The following SNRNP200 variants were observed in gnomAD, a reference collection of about 807,000 sequenced individuals.
SNRNP200 encodes U5 small nuclear ribonucleoprotein 200 kDa helicase.
In SNRNP200, 66 loss-of-function variants were observed where a neutral mutation model predicts 255.2. That is an observed-to-expected ratio of 0.26 (90% CI 0.21 to 0.32). The LOEUF (loss-of-function observed/expected upper bound fraction) is 0.32. Among genes scored for constraint, SNRNP200 ranks in the 10% least tolerant of loss-of-function variants. SNRNP200 has a pLI of 1.00. For missense variants in SNRNP200, 1,585 were observed against 2,749.8 expected, an observed-to-expected ratio of 0.58 and a Z score of 9.47; for synonymous variants, 939 against 1,027.8, an observed-to-expected ratio of 0.91 and a Z score of 1.65.
In SNRNP200 at chr2:96,286,226, G is replaced by A; in HGVS notation, c.4003+85C>T. On this transcript the variant is annotated intron_variant, in intron 29 of 44. Transcript: ENST00000323853. This position sits in a 1 kb window ranked among gnomAD's most constrained non-coding sequence, Gnocchi z 4.8. ...GCTCCCAGACCTCCCAAGTGCCTGA[G>A]CACCCCCACTCCCCTGCCTGCCACA... 7.1e-7 allele frequency: 1 copy of A among 1,398,988 alleles called. No individual in the cohort carries two copies. The highest frequency in any genetic ancestry group is 1.0e-6 in the Non-Finnish European group (1 of 985,628). The allele number at this position is 1,398,988 out of a possible 1,614,324, so 86.7% of individuals were successfully genotyped here. A position where few individuals can be genotyped will look rare whatever the true frequency, so the allele number is the denominator to read the frequency against.
In SNRNP200 at chr2:96,298,415, A is replaced by G. The variant is rs551098813; in HGVS notation, c.988T>C (p.Tyr330His). 1.9e-6 allele frequency: 3 copies of G among 1,614,208 alleles called. No homozygotes were observed. The South Asian group carries it at 3.3e-5, about 18-fold the overall frequency. Residue 330 changes from tyrosine (Y) to histidine (H), a missense_variant, in exon 9 of 45, where the codon TAC becomes CAC. Around this residue, in one of 9 missense-constraint regions of SNRNP200, gnomAD observed 383 missense variants for 645.3 expected, o/e 0.59. Coordinates refer to ENST00000323853, the MANE Select transcript of SNRNP200 (RefSeq NM_014014.5). Reference protein sequence around the residue: ...VLRQHRMMILYCTLLASAQSE... With the variant: ...VLRQHRMMILHCTLLASAQSE... The stretch of plus-strand genomic sequence containing the variant: ...TGTGCACTGGCCAGCAAGGTACAGT[A>G]TAAAACTACCCACAACAAAAGGAAC...
intron 43 of SNRNP200, chr2:96,276,516 G>C (rs1310619782): frequency 2.4e-5 from 7 of 286,348 alleles, no homozygotes; most frequent in Admixed American, 4.3e-5. Context: ...CCGCCTCCTG[G>C]GTTCACACCA....
At chr2:96,288,816 T>C in intron 23 of SNRNP200, 70 bp from the exon 24 acceptor site, 4 of 1,349,736 alleles carry the variant, frequency 3.0e-6, no homozygotes, top group Non-Finnish European at 4.3e-6. Flanking sequence ...ATTACATTTC[T>C]GCTCTGAGCA....
chr2:96,289,776 C>T, intron 21 of SNRNP200, 23 bp downstream of exon 21: 1 of 1,612,588 alleles, frequency 6.2e-7, no homozygotes, highest in Non-Finnish European at 8.5e-7. Context: ...AGACCTTTGC[C>T]TCAAAACCCT....
Position 96,284,023 on chromosome 2 carries a change from G to A in SNRNP200, c.4393-19C>T. On this transcript the variant is annotated intron_variant, in intron 31 of 44. Coordinates refer to ENST00000323853, the MANE Select transcript of SNRNP200 (RefSeq NM_014014.5). ...AGACAGGCTGGAAAGAGGGAGGGAG[G>A]GAGGGTCACTGCAGGCCAAGGCTCC... 3.3e-6 allele frequency: 5 copies of A among 1,496,226 alleles called. No homozygotes were observed. Among genetic ancestry groups the A allele is most frequent in the Admixed American group, 1.9e-5 (1 of 54,002 alleles). The allele number at this position is 1,496,226 out of a possible 1,614,324, so 92.7% of individuals were successfully genotyped here.
At position 96,295,645 on chromosome 2, in the gene SNRNP200, T is replaced by G; in HGVS notation, c.1685A>C (p.Tyr562Ser). The G allele has an allele frequency of 6.2e-7, 1 of 1,613,688 alleles. No individual in the cohort carries two copies. The highest frequency in any genetic ancestry group is 1.3e-5 in the African/African-American group (1 of 74,988). ...AGTCAGTTCAGCAACAGTGATGCCATAAGTGGCCAGGCGCTGTGGGAGGAA... is the reference window on the plus strand; with the variant it reads ...AGTCAGTTCAGCAACAGTGATGCCAGAAGTGGCCAGGCGCTGTGGGAGGAA... The part of the protein sequence containing the change: ...VGSFGKRLAT[Y>S]GITVAELTGD... Residue 562 changes from tyrosine to serine, a missense_variant, in exon 14 of 45, where the codon TAT (tyrosine) becomes TCT (serine). This residue lies in a region of SNRNP200 where 56 missense variants were observed against 77.4 expected (regional missense o/e 0.72). Transcript: ENST00000323853.
chr2:96,288,328 A>G (rs937943795), intron 24 of SNRNP200, among the ~76,000 whole-genome samples: 1 of 152,156 alleles, frequency 6.6e-6, no homozygotes, highest in African/African-American at 2.4e-5. Flanking sequence ...ACCCTGTGCC[A>G]TTTTTGGATT....
intron 43 of SNRNP200, 82 bp from the exon 44 acceptor site, chr2:96,275,431 G>C (rs1033654725): frequency 1.7e-6 from 2 of 1,182,486 alleles, no homozygotes; most frequent in East Asian, 2.3e-5. Flanking sequence ...AGTTACAAAA[G>C]AGAGAACAAA....
Position 96,301,649 on chromosome 2 carries a change from T to C in SNRNP200, c.449A>G (p.Asp150Gly). ...LAVLKNEKLR[D>G]KERRKEIDLL... ...GTCAATCTCCTTTCGCCTTTCCTTGTCCCGCAGCTTTTCATTCTTTAGAAC... is the reference window on the plus strand; with the variant it reads ...GTCAATCTCCTTTCGCCTTTCCTTGCCCCGCAGCTTTTCATTCTTTAGAAC... Residue 150 changes from aspartate to glycine, a missense_variant, in exon 4 of 45, where the codon GAC becomes GGC. Physicochemically the swap from Asp to Gly is moderately conservative, Grantham distance 94. Transcript: ENST00000323853. The C allele has an allele frequency of 6.2e-7, 1 of 1,614,206 alleles. No individual in the cohort carries two copies. Among genetic ancestry groups the C allele is most frequent in the South Asian group, 1.1e-5 (1 of 91,084 alleles).
chr2:96,289,297 G>A lies in SNRNP200; in HGVS notation c.3023C>T (p.Thr1008Ile). Reference sequence around the variant, plus strand: ...CCTGAAAAGCTCAATCTCACTCAGGGTGGGCTTCAGCAGCTGGTTGTAAGT... The same window carrying A: ...CCTGAAAAGCTCAATCTCACTCAGGATGGGCTTCAGCAGCTGGTTGTAAGT... ...VQTYNQLLKP[T>I]LSEIELFRVF... The change falls in exon 22 of 45, where the codon ACC (threonine) becomes ATC (isoleucine). Residue 1008 changes from threonine (T) to isoleucine (I), a missense_variant. Physicochemically the swap from Thr to Ile is moderately conservative, Grantham distance 89. This residue lies in a region of SNRNP200 where 719 missense variants were observed against 1,091.1 expected (regional missense o/e 0.66). Coordinates refer to ENST00000323853, the MANE Select transcript of SNRNP200 (RefSeq NM_014014.5). 1 of 1,614,202 alleles carries A rather than the reference G, an allele frequency of 6.2e-7. No individual in the cohort carries two copies. The highest frequency in any genetic ancestry group is 8.5e-7 in the Non-Finnish European group (1 of 1,180,044).
rs527236113 is a variant in SNRNP200 at position 96,293,090 on chromosome 2, C to T, written c.2042G>A (p.Arg681His). ...ATATGTCTGTTCCAGAGGCACTGGA[C>T]GGAAGCTAGAAGTTCAACAGTTAGA... Reference protein sequence around the residue: ...KGLFYFDNSFRPVPLEQTYVG... With the variant: ...KGLFYFDNSFHPVPLEQTYVG... Residue 681 changes from arginine to histidine, a missense_variant, in exon 16 of 45, where the codon CGT becomes CAT. Arg to His is a conservative substitution (Grantham distance 29). Around this residue, in one of 9 missense-constraint regions of SNRNP200, gnomAD observed 140 missense variants for 274.9 expected, o/e 0.51. Transcript: ENST00000323853. The T allele has an allele frequency of 1.9e-6, 3 of 1,614,084 alleles. No individual in the cohort carries two copies. The highest frequency in any genetic ancestry group is 8.5e-7 in the Non-Finnish European group (1 of 1,180,020).
In SNRNP200 at chr2:96,290,901, G is replaced by A; in HGVS notation, c.2422-86C>T. On this transcript the variant is annotated intron_variant, in intron 18 of 44. Transcript: ENST00000323853. This position sits in a 1 kb window ranked among gnomAD's most constrained non-coding sequence, Gnocchi z 4.5. ...TGGCTTCTCTAGGCAGTTGGCCTCA[G>A]AGCTTCTCTCAGGACTAGCCGGTAG... 3 of 1,571,522 alleles carry A rather than the reference G, an allele frequency of 1.9e-6. No individual in the cohort carries two copies. Among genetic ancestry groups the A allele is most frequent in the East Asian group, 2.3e-5 (1 of 44,366 alleles).
Position 96,285,308 on chromosome 2 carries a change from C to A in SNRNP200, c.4036G>T (p.Val1346Leu), listed in dbSNP as rs779054512. 3.5e-5 allele frequency: 56 copies of A among 1,614,048 alleles called. No individual in the cohort carries two copies. The highest frequency in any genetic ancestry group is 4.5e-5 in the Non-Finnish European group (53 of 1,180,044). The change falls in exon 30 of 45, where the codon GTG (valine) becomes TTG (leucine). Residue 1346 changes from valine to leucine, a missense_variant. Transcript: ENST00000323853. ...FNTVYNSDDN[V>L]FVGAPTGSGK... ...CTGCCCGTGGGGGCCCCCACAAACA[C>A]GTTGTCGTCACTGTTGTATACAGTG... is the stretch of plus-strand genomic sequence containing the variant.
chr2:96,283,110 G>C lies in SNRNP200; in HGVS notation c.4915+91C>G, dbSNP rs769442853. On this transcript the variant is annotated intron_variant, in intron 34 of 44. Coordinates refer to ENST00000323853, the MANE Select transcript of SNRNP200 (RefSeq NM_014014.5). This position sits in a 1 kb window ranked among gnomAD's most constrained non-coding sequence, Gnocchi z 4.7. Reference sequence around the variant, plus strand: ...GTATTTTGAAAATCTCTGGTATGCTGTAGAGAAAACACTGCCACCCGCACC... The same window carrying C: ...GTATTTTGAAAATCTCTGGTATGCTCTAGAGAAAACACTGCCACCCGCACC... 105 of 1,492,282 alleles carry C rather than the reference G, an allele frequency of 7.0e-5. No homozygotes were observed. The highest frequency in any genetic ancestry group is 8.7e-5 in the Non-Finnish European group (94 of 1,078,442). 92.4% of individuals were successfully genotyped at this position (1,492,282 alleles called of 1,614,324 possible).
At chr2:96,282,965 T>C in intron 34 of SNRNP200, 2 of 600,214 alleles carry the variant, frequency 3.3e-6, no homozygotes, top group South Asian at 3.8e-5. Context: ...GGTTCTGAAA[T>C]AGCACAACCT....
Position 96,285,310 on chromosome 2 carries a change from T to C in SNRNP200, c.4034A>G (p.Asn1345Ser), listed in dbSNP as rs566448118. The C allele has an allele frequency of 1.1e-5, 17 of 1,614,124 alleles. No homozygotes were observed. The Admixed American group carries it at 1.2e-4, about 11-fold the overall frequency. The part of the protein sequence containing the change: ...VFNTVYNSDD[N>S]VFVGAPTGSG... ...GCCCGTGGGGGCCCCCACAAACACGTTGTCGTCACTGTTGTATACAGTGTT... is the reference window on the plus strand; with the variant it reads ...GCCCGTGGGGGCCCCCACAAACACGCTGTCGTCACTGTTGTATACAGTGTT... Residue 1345 changes from asparagine (N) to serine (S), a missense_variant, in exon 30 of 45, where the codon AAC becomes AGC. Physicochemically the swap from Asn to Ser is conservative, Grantham distance 46. This residue lies in a region of SNRNP200 where 719 missense variants were observed against 1,091.1 expected (regional missense o/e 0.66). Coordinates refer to ENST00000323853, the MANE Select transcript of SNRNP200 (RefSeq NM_014014.5).
At chr2:96,293,609 A>G in intron 14 of SNRNP200, 100 bp from the exon 15 acceptor site, 2 of 1,109,618 alleles carry the variant, frequency 1.8e-6, no homozygotes, top group Non-Finnish European at 1.3e-6. Context: ...TAATATGCCT[A>G]AGAAAAAAGA....
chr2:96,284,969 C>T (rs954969291), intron 30 of SNRNP200: 14 of 651,306 alleles, frequency 2.1e-5, no homozygotes, highest in African/African-American at 3.6e-5. Context: ...AGGCTGGTCT[C>T]GAACTCCTGA....
Position 96,290,233 on chromosome 2 carries a change from C to T in SNRNP200, c.2742+93G>A. 2.1e-6 allele frequency: 3 copies of T among 1,395,734 alleles called. No homozygotes were observed. The South Asian group carries it at 3.5e-5, about 16-fold the overall frequency. 86.5% of individuals were successfully genotyped at this position (1,395,734 alleles called of 1,614,324 possible). ...GTGCAGGGATGGAAGGCCTCGGACGCTGCTGGCCCGCAGCACAATAGGGAC... is the reference window on the plus strand; with the variant it reads ...GTGCAGGGATGGAAGGCCTCGGACGTTGCTGGCCCGCAGCACAATAGGGAC... On this transcript the variant is annotated intron_variant, in intron 20 of 44. Transcript: ENST00000323853. The surrounding 1 kb of genome is among the most constrained non-coding windows in gnomAD (Gnocchi z 4.5).
Sources: allele counts gnomAD v4.1 joint callset (sites outside exome capture counted in the v4.1 genomes callset), GRCh38; gene constraint gnomAD v4.1.1; regional missense constraint gnomAD v4.1.1; non-coding constraint Gnocchi (gnomAD v3.1); transcripts MANE v1.5; gene names NCBI Gene and HGNC (gene_info 2026-07-23, HGNC 2026-07-21).